GAST: variants seen among roughly 807,000 people sequenced by gnomAD.
GAST encodes gastrin.
A neutral mutation model predicts 12.5 loss-of-function variants in GAST; 9 were observed. The observed-to-expected ratio is 0.72, with a 90% CI of 0.43 to 1.25. The LOEUF (loss-of-function observed/expected upper bound fraction) is 1.25, where lower values mean the gene tolerates loss of function less well. GAST is among the 50% of genes most tolerant of loss of function. The probability of loss-of-function intolerance (pLI) is 0.00; values close to 1 mark genes in which losing one functional copy is unlikely to be tolerated. For synonymous variants in GAST, 52 were observed against 51.1 expected (o/e 1.02, Z -0.08); for missense variants, 121 against 127.7 (o/e 0.95, Z 0.25).
intron 1 of GAST, among the ~76,000 whole-genome samples, chr17:41,713,351 C>G (rs1910899144): frequency 6.6e-6 from 1 of 152,170 alleles, no homozygotes; most frequent in African/African-American, 2.4e-5. Context: ...TCTTCAGCAG[C>G]AGAATTCTTT....
rs941116480 is a variant in GAST at position 41,715,505 on chromosome 17, G to A, written c.69G>A (p.Trp23Ter). ...TGGCCGCCTTCTCTGAAGCTTCTTG[G>A]AAGCCCCGCTCCCAGCAGCCAGATG... ...LALAAFSEAS[W>*]KPRSQQPDAP... The change falls in exon 2 of 3, where the codon TGG (tryptophan) becomes TGA (stop). Residue 23 changes from tryptophan to a stop codon, truncating the protein, a stop_gained. Coordinates refer to ENST00000329402, the MANE Select transcript of GAST (RefSeq NM_000805.5). LOFTEE classifies it high-confidence loss of function. 7 of 1,613,690 alleles carry A rather than the reference G, an allele frequency of 4.3e-6. No homozygotes were observed. The African/African-American group carries it at 8.0e-5, about 18-fold the overall frequency.
rs1910957658 is a variant in GAST at position 41,715,567 on chromosome 17, T to C, written c.131T>C (p.Leu44Pro). 1 of 1,613,498 alleles carries C rather than the reference T, an allele frequency of 6.2e-7. No homozygotes were observed. The highest frequency in any genetic ancestry group is 1.7e-5 in the Admixed American group (1 of 60,004). ...LGTGANRDLE[L>P]PWLEQQGPAS... is the part of the protein sequence containing the mutation. ...ACAGGGGCCAACAGGGACCTGGAGCTACCCTGGCTGGAGCAGCAGGGCCCA... is the reference window on the plus strand; with the variant it reads ...ACAGGGGCCAACAGGGACCTGGAGCCACCCTGGCTGGAGCAGCAGGGCCCA... Residue 44 changes from leucine to proline, a missense_variant, in exon 2 of 3, where the codon CTA becomes CCA. Leu to Pro is a moderately conservative substitution (Grantham distance 98, BLOSUM62 -3). Transcript: ENST00000329402.
Position 41,712,922 on chromosome 17 carries a change from TTTG to T in GAST, c.-6+550_-6+552del, listed in dbSNP as rs144731510. Among the ~76,000 whole-genome samples the T allele has an allele frequency of 3.9e-5, 6 of 152,122 alleles. No homozygotes were observed. The East Asian group carries it at 9.6e-4, about 24-fold the overall frequency. ...GAAATGGGGTTAGTGTAAGGAAGTT[TTTG>T]TTGTTGTTGTTGTTTGTTTTTTTAT... is the stretch of plus-strand genomic sequence containing the variant. On this transcript the variant is annotated intron_variant, in intron 1 of 2. Transcript: ENST00000329402.
chr17:41,714,662 C>G (rs1277857727), intron 1 of GAST, among the ~76,000 whole-genome samples: 7 of 152,080 alleles, frequency 4.6e-5, no homozygotes, highest in Non-Finnish European at 1.0e-4. Context: ...GTAGTCCCAG[C>G]TCTTCTGGAG....
chr17:41,715,553 C>T lies in GAST; in HGVS notation c.117C>T (p.Asn39=). 1 of 1,613,556 alleles carries T rather than the reference C, an allele frequency of 6.2e-7. No individual in the cohort carries two copies. The highest frequency in any genetic ancestry group is 8.5e-7 in the Non-Finnish European group (1 of 1,180,038). ...ATGCACCCTTAGGTACAGGGGCCAA[C>T]AGGGACCTGGAGCTACCCTGGCTGG... ...QPDAPLGTGA[N]RDLELPWLEQ... The change falls in exon 2 of 3, where the codon AAC becomes AAT. Residue 39 remains asparagine (N), a synonymous_variant. Coordinates refer to ENST00000329402, the MANE Select transcript of GAST (RefSeq NM_000805.5).
chr17:41,714,719 G>A (rs1555585597), intron 1 of GAST, among the ~76,000 whole-genome samples: 2 of 152,138 alleles, frequency 1.3e-5, no homozygotes, highest in African/African-American at 2.4e-5. Context: ...AGGCTGCAGT[G>A]AGCAGTGATT....
intron 1 of GAST, among the ~76,000 whole-genome samples, chr17:41,714,260 C>A (rs542950388): frequency 6.6e-6 from 1 of 152,136 alleles, no homozygotes; most frequent in Non-Finnish European, 1.5e-5. Flanking sequence ...GCAACCTCCA[C>A]CTCCCCGGTT....
chr17:41,715,796 G>A lies in GAST; in HGVS notation c.230G>A (p.Gly77Glu). Residue 77 changes from glycine to glutamate, a missense_variant, in exon 3 of 3, where the codon GGA becomes GAA. By Grantham distance (98) the Gly-to-Glu change is moderately conservative. Transcript: ENST00000329402. ...TCCTCAGACCCGTCCAAGAAGCAGGGACCATGGCTGGAGGAAGAAGAAGAA... is the reference window on the plus strand; with the variant it reads ...TCCTCAGACCCGTCCAAGAAGCAGGAACCATGGCTGGAGGAAGAAGAAGAA... ...HLVADPSKKQGPWLEEEEEAY... is the reference protein window; with the variant it reads ...HLVADPSKKQEPWLEEEEEAY... 6 of 1,611,128 alleles carry A rather than the reference G, an allele frequency of 3.7e-6. No individual in the cohort carries two copies. The highest frequency in any genetic ancestry group is 5.1e-6 in the Non-Finnish European group (6 of 1,179,076).
chr17:41,715,331 A>G (rs968122028), intron 1 of GAST, 101 bp from the exon 2 acceptor site: 52 of 808,294 alleles, frequency 6.4e-5, no homozygotes, highest in Non-Finnish European at 8.6e-5. Context: ...TTGCACACTC[A>G]TCAGCAGGTA....
intron 1 of GAST, among the ~76,000 whole-genome samples, chr17:41,713,746 T>C (rs1163522456): frequency 6.6e-6 from 1 of 152,098 alleles, no homozygotes; most frequent in Admixed American, 6.6e-5. Flanking sequence ...AGTACAGTAT[T>C]TTATTAATAC....
chr17:41,714,583 G>A (rs567522198), intron 1 of GAST, among the ~76,000 whole-genome samples: 44 of 152,062 alleles, frequency 2.9e-4, no homozygotes, highest in African/African-American at 1.0e-3. Context: ...ACTAGCTTGG[G>A]CAACATGGTG....
At position 41,715,949 on chromosome 17, in the gene GAST, A is replaced by C; in HGVS notation, c.*77A>C. 8.8e-7 allele frequency: 1 copy of C among 1,142,456 alleles called. No homozygotes were observed. The highest frequency in any genetic ancestry group is 1.5e-5 in the South Asian group (1 of 65,940). 70.8% of individuals were successfully genotyped at this position (1,142,456 alleles called of 1,614,324 possible). On this transcript the variant is annotated 3_prime_UTR_variant, in exon 3 of 3. Coordinates refer to ENST00000329402, the MANE Select transcript of GAST (RefSeq NM_000805.5). ...CCTGTCCCCTGAAAAACTGATCAAA[A>C]ATAAACTAGTTTCCAGTGGATCAAT...
chr17:41,713,605 G>A (rs1192419749), intron 1 of GAST, among the ~76,000 whole-genome samples: 1 of 152,114 alleles, frequency 6.6e-6, no homozygotes, highest in African/African-American at 2.4e-5. Flanking sequence ...GCTGAGGTGG[G>A]AGGATCTCTT....
Position 41,715,915 on chromosome 17 carries a change from C to A in GAST, c.*43C>A. On this transcript the variant is annotated 3_prime_UTR_variant, in exon 3 of 3. Transcript: ENST00000329402. Reference sequence around the variant, plus strand: ...TTCAGAGCCTAGCCACCTCCCACCCCACTCCAGCCCTGTCCCCTGAAAAAC... The same window carrying A: ...TTCAGAGCCTAGCCACCTCCCACCCAACTCCAGCCCTGTCCCCTGAAAAAC... The A allele has an allele frequency of 1.4e-6, 2 of 1,431,018 alleles. No homozygotes were observed. Among genetic ancestry groups the A allele is most frequent in the South Asian group, 1.3e-5 (1 of 77,494 alleles). 88.6% of individuals were successfully genotyped at this position (1,431,018 alleles called of 1,614,324 possible).
chr17:41,714,355 T>C (rs1322637304), intron 1 of GAST, among the ~76,000 whole-genome samples: 1 of 152,092 alleles, frequency 6.6e-6, no homozygotes, highest in African/African-American at 2.4e-5. Flanking sequence ...GTATTTTTTG[T>C]AGAGATGGGG....
intron 1 of GAST, among the ~76,000 whole-genome samples, chr17:41,715,013 G>C (rs782458197): frequency 2.0e-5 from 3 of 152,116 alleles, no homozygotes; most frequent in African/African-American, 4.8e-5. Flanking sequence ...CAGAATTGCA[G>C]ACTCACCCGG....
At position 41,715,861 on chromosome 17, in the gene GAST, G is replaced by A; in HGVS notation, c.295G>A (p.Asp99Asn). The stretch of plus-strand genomic sequence containing the variant: ...GGACTTCGGCCGCCGCAGTGCTGAG[G>A]ATGAGAACTAACAATCCTAGAACCA... ...WMDFGRRSAE[D>N]EN is the part of the protein sequence containing the mutation. Residue 99 changes from aspartate to asparagine, a missense_variant, in exon 3 of 3, where the codon GAT becomes AAT. By Grantham distance (23) the Asp-to-Asn change is conservative (BLOSUM62 1). Coordinates refer to ENST00000329402, the MANE Select transcript of GAST (RefSeq NM_000805.5). The A allele has an allele frequency of 6.2e-7, 1 of 1,606,106 alleles. No individual in the cohort carries two copies. The highest frequency in any genetic ancestry group is 8.5e-7 in the Non-Finnish European group (1 of 1,177,356).
rs868921087 is a variant in GAST, at chr17:41,715,849, C to T, written c.283C>T (p.Arg95Cys). Residue 95 changes from arginine (R) to cysteine (C), a missense_variant, in exon 3 of 3, where the codon CGC becomes TGC. Arg to Cys is a radical substitution (Grantham distance 180). Transcript: ENST00000329402. ...CTATGGATGGATGGACTTCGGCCGC[C>T]GCAGTGCTGAGGATGAGAACTAACA... ...EAYGWMDFGR[R>C]SAEDEN 3.7e-6 allele frequency: 6 copies of T among 1,609,546 alleles called. No individual in the cohort carries two copies. Among genetic ancestry groups the T allele is most frequent in the East Asian group, 4.5e-5 (2 of 44,862 alleles).
chr17:41,713,137 A>G (rs1290882688), intron 1 of GAST, among the ~76,000 whole-genome samples: 1 of 152,028 alleles, frequency 6.6e-6, no homozygotes, highest in Non-Finnish European at 1.5e-5. Flanking sequence ...GGCTGGTCAC[A>G]AACTCCTGAC....
Sources: allele counts gnomAD v4.1 joint callset (sites outside exome capture counted in the v4.1 genomes callset), GRCh38; gene constraint gnomAD v4.1.1; transcripts MANE v1.5; gene names NCBI Gene and HGNC (gene_info 2026-07-23, HGNC 2026-07-21).